Variants in SLC35F3 observed in about 807,000 individuals in gnomAD.
The protein encoded by SLC35F3 is putative thiamine transporter SLC35F3.
In SLC35F3, 25 loss-of-function variants were observed where a neutral mutation model predicts 49.9. The ratio of observed to expected loss-of-function variants is 0.50; its 90% CI spans 0.37 to 0.70. The LOEUF (loss-of-function observed/expected upper bound fraction) is 0.70, where lower values mean the gene tolerates loss of function less well. Ranked by LOEUF, SLC35F3 falls within the 30% of genes least tolerant of loss-of-function variation. The pLI is 0.00. For missense variants in SLC35F3, 525 were observed against 639.8 expected, an observed-to-expected ratio of 0.82 and a Z score of 1.94; for synonymous variants, 275 against 265.4, an observed-to-expected ratio of 1.04 and a Z score of -0.35.
intron 2 of SLC35F3, among the ~76,000 whole-genome samples, chr1:233,967,745 C>T (rs1354048738): frequency 6.6e-6 from 1 of 152,112 alleles, no homozygotes; most frequent in Admixed American, 6.5e-5. Context: ...CAAATTTTTC[C>T]ACTCCGGAGT....
At chr1:234,124,268 G>A (rs1665615405) in intron 2 of SLC35F3, among the ~76,000 whole-genome samples, 1 of 152,232 alleles carries the variant, frequency 6.6e-6, no homozygotes, top group Admixed American at 6.5e-5. Context: ...AAGTGGGACA[G>A]TAAAGGAGAA....
chr1:234,154,233 A>G lies in SLC35F3; in HGVS notation c.284-77184A>G, dbSNP rs541846192. Among the ~76,000 whole-genome samples the G allele has an allele frequency of 1.2e-4, 18 of 152,328 alleles. No homozygotes were observed. The East Asian group carries it at 3.1e-3, about 26-fold the overall frequency. On this transcript the variant is annotated intron_variant, in intron 2 of 7. Transcript: ENST00000366618. ...GCCACAGCACTCCAGCCGGAGCGAT[A>G]GAGTGAGACCCTGTCTCAAAAAAAG...
At chr1:234,179,714 T>A (rs1296236007) in intron 2 of SLC35F3, among the ~76,000 whole-genome samples, 1 of 148,076 alleles carries the variant, frequency 6.8e-6, no homozygotes, top group Non-Finnish European at 1.5e-5. Flanking sequence ...TGGCATTAAC[T>A]CTCTTGAATT....
At chr1:234,158,851 TA>T (rs1413546482) in intron 2 of SLC35F3, among the ~76,000 whole-genome samples, 2 of 152,220 alleles carry the variant, frequency 1.3e-5, no homozygotes, top group Non-Finnish European at 2.9e-5. Context: ...ATCACTGCTT[TA>T]TAAGATATTA....
At chr1:233,985,756 A>C (rs1396609389) in intron 2 of SLC35F3, among the ~76,000 whole-genome samples, 1 of 152,258 alleles carries the variant, frequency 6.6e-6, no homozygotes, top group Admixed American at 6.5e-5. Context: ...AATCATCCAC[A>C]AAAGTATAAG....
At chr1:234,001,367 G>A (rs574989823) in intron 2 of SLC35F3, among the ~76,000 whole-genome samples, 66 of 152,316 alleles carry the variant, frequency 4.3e-4, no homozygotes, top group African/African-American at 1.4e-3. Context: ...AAATGCCAGT[G>A]AGGCAATAGT....
At chr1:234,161,554 A>T (rs1666227001) in intron 2 of SLC35F3, among the ~76,000 whole-genome samples, 1 of 152,154 alleles carries the variant, frequency 6.6e-6, no homozygotes, top group Non-Finnish European at 1.5e-5. Flanking sequence ...TGAGCCCAGG[A>T]GTTTGAGACC....
intron 2 of SLC35F3, among the ~76,000 whole-genome samples, chr1:234,108,202 T>C (rs866683641): frequency 1.0e-5 from 1 of 96,844 alleles, no homozygotes; most frequent in African/African-American, 4.7e-5. Context: ...ATAAAAGATA[T>C]ATATATTTAT....
At chr1:233,916,972 C>CATT (rs397757788) in intron 2 of SLC35F3, among the ~76,000 whole-genome samples, 44 of 151,830 alleles carry the variant, frequency 2.9e-4, no homozygotes, top group Non-Finnish European at 5.0e-4. Context: ...GTGATTCATT[C>CATT]CTTCTTCATT....
intron 3 of SLC35F3, among the ~76,000 whole-genome samples, chr1:234,266,756 A>G (rs1189900327): frequency 1.3e-5 from 2 of 152,076 alleles, no homozygotes. Context: ...AAGTATTTTT[A>G]TATCTAGACA....
At chr1:233,927,013 C>A (rs1027859319) in intron 2 of SLC35F3, among the ~76,000 whole-genome samples, 1 of 152,174 alleles carries the variant, frequency 6.6e-6, no homozygotes, top group Non-Finnish European at 1.5e-5. Context: ...TGCTGGTAGG[C>A]AGCTTTTTCA....
chr1:234,014,102 A>G (rs1483719975), intron 2 of SLC35F3, among the ~76,000 whole-genome samples: 1 of 152,188 alleles, frequency 6.6e-6, no homozygotes. Context: ...ATAAAATACC[A>G]GCAAACAATT....
Position 234,232,427 on chromosome 1 carries a change from C to T in SLC35F3, c.608+686C>T, listed in dbSNP as rs141673223. On this transcript the variant is annotated intron_variant, in intron 3 of 7. Coordinates refer to ENST00000366618, the MANE Select transcript of SLC35F3 (RefSeq NM_173508.4). ...TCACACTGTAGGTGTTGACCCGTGGCGCTCATCTGTGCCAATTAAGAGCAT... is the reference window on the plus strand; with the variant it reads ...TCACACTGTAGGTGTTGACCCGTGGTGCTCATCTGTGCCAATTAAGAGCAT... 1.1e-3 allele frequency among the ~76,000 whole-genome samples: 153 copies of T among 141,554 alleles called. 1 individual carries two copies. Among genetic ancestry groups the T allele is most frequent in the African/African-American group, 3.8e-3 (144 of 37,926 alleles). 92.9% of individuals were successfully genotyped at this position (141,554 alleles called of 152,430 possible). A position where few individuals can be genotyped will look rare whatever the true frequency, so the allele number is the denominator to read the frequency against.
At chr1:234,131,796 C>G (rs1665740441) in intron 2 of SLC35F3, among the ~76,000 whole-genome samples, 2 of 152,162 alleles carry the variant, frequency 1.3e-5, no homozygotes, top group Non-Finnish European at 1.5e-5. Flanking sequence ...AAGCGTTTGG[C>G]AGGTGACTGT....
At chr1:234,253,251 G>A (rs150494836) in intron 3 of SLC35F3, among the ~76,000 whole-genome samples, 2,423 of 152,114 alleles carry the variant, frequency 0.016, 22 homozygotes, top group African/African-American at 0.025. Flanking sequence ...ACTTGAACCC[G>A]GGAGGCAGAG....
chr1:234,290,248 C>T (rs1668485608), intron 3 of SLC35F3, among the ~76,000 whole-genome samples: 1 of 152,100 alleles, frequency 6.6e-6, no homozygotes, highest in African/African-American at 2.4e-5. Context: ...ACATTTACTT[C>T]ATAGGAGCTT....
intron 2 of SLC35F3, among the ~76,000 whole-genome samples, chr1:234,218,964 A>C (rs1000507852): frequency 2.0e-5 from 3 of 146,856 alleles, no homozygotes; most frequent in Non-Finnish European, 4.4e-5. Flanking sequence ...CAGGAGAATC[A>C]CTTGAACCCA....
chr1:234,252,709 T>G (rs1393181850), intron 3 of SLC35F3, among the ~76,000 whole-genome samples: 1 of 152,214 alleles, frequency 6.6e-6, no homozygotes, highest in Non-Finnish European at 1.5e-5. Context: ...AAAGGAGACT[T>G]GATAATATGC....
At chr1:234,089,443 G>T (rs1048960889) in intron 2 of SLC35F3, among the ~76,000 whole-genome samples, 1 of 152,240 alleles carries the variant, frequency 6.6e-6, no homozygotes, top group Non-Finnish European at 1.5e-5. Flanking sequence ...GGCCATTCAG[G>T]TGGTTGGATG....
Sources: gnomAD v4.1 joint callset for allele counts (sites outside exome capture counted in the v4.1 genomes callset) on GRCh38, gnomAD v4.1.1 for gene constraint, MANE v1.5 for transcripts, NCBI Gene and HGNC (gene_info 2026-07-23, HGNC 2026-07-21) for gene names.